Variants in PARL observed in about 807,000 individuals in gnomAD.
The protein encoded by PARL is presenilin associated rhomboid like, also known as presenilin-associated rhomboid-like protein, mitochondrial.
A neutral mutation model predicts 51.6 loss-of-function variants in PARL; 44 were observed. The ratio of observed to expected loss-of-function variants is 0.85; its 90% CI spans 0.67 to 1.10. The LOEUF is 1.10. Among genes scored for constraint, PARL ranks in the 50% least tolerant of loss-of-function variants. The pLI, the probability that PARL is intolerant of heterozygous loss-of-function variation, is 0.00. For synonymous variants in PARL, 172 were observed against 164.0 expected, an observed-to-expected ratio of 1.05 and a Z score of -0.37; for missense variants, 441 against 469.5, an observed-to-expected ratio of 0.94 and a Z score of 0.56.
intron 4 of PARL, among the ~76,000 whole-genome samples, chr3:183,853,288 G>A (rs1200878860): frequency 7.1e-6 from 1 of 140,208 alleles, no homozygotes; most frequent in African/African-American, 2.6e-5. Context: ...TCAGGCGGGT[G>A]CAAGTGGCTC....
intron 5 of PARL, 42 bp from the exon 6 acceptor site, chr3:183,842,489 C>T (rs1299668102): frequency 1.9e-6 from 3 of 1,590,740 alleles, no homozygotes; most frequent in Non-Finnish European, 2.6e-6. Context: ...ATGAAACACA[C>T]AGCCAATAAA....
At chr3:183,836,418 GC>G (rs1406927750) in intron 7 of PARL, among the ~76,000 whole-genome samples, 1 of 151,816 alleles carries the variant, frequency 6.6e-6, no homozygotes, top group Non-Finnish European at 1.5e-5. Context: ...TCTCGATGTG[GC>G]TTTTATATAA....
rs957273738 is a variant in PARL, at chr3:183,866,489, G to A, written c.462+136C>T. On this transcript the variant is annotated intron_variant, in intron 3 of 9. Coordinates refer to ENST00000317096, the MANE Select transcript of PARL (RefSeq NM_018622.7). ...ATAAAGATAAATGTTTAAGGTGATA[G>A]ATATTCAGTTCCTCAGATTTCATTA... is the stretch of plus-strand genomic sequence containing the variant. 1.2e-5 allele frequency: 9 copies of A among 741,744 alleles called. No individual in the cohort carries two copies. The African/African-American group carries it at 1.6e-4, about 13-fold the overall frequency. The allele number at this position is 741,744 out of a possible 1,614,324, so 45.9% of individuals were successfully genotyped here.
chr3:183,861,681 CAATT>C (rs1184736902), intron 4 of PARL, among the ~76,000 whole-genome samples: 2 of 152,102 alleles, frequency 1.3e-5, no homozygotes, highest in Non-Finnish European at 2.9e-5. Flanking sequence ...TAAGTCTAAT[CAATT>C]AGACTTTAAG....
chr3:183,833,413 G>T, intron 9 of PARL, 79 bp downstream of exon 9: 2 of 863,348 alleles, frequency 2.3e-6, no homozygotes, highest in South Asian at 2.7e-5. Context: ...CATGGGGATG[G>T]GGGGTAGGGG....
intron 1 of PARL, among the ~76,000 whole-genome samples, chr3:183,882,601 A>G (rs997693922): frequency 1.3e-5 from 2 of 152,172 alleles, no homozygotes; most frequent in Admixed American, 1.3e-4. Flanking sequence ...CCTTGGTAAC[A>G]GTAAAGTTTA....
intron 8 of PARL, 38 bp from the exon 9 acceptor site, chr3:183,833,627 T>A (rs960344972): frequency 2.0e-6 from 3 of 1,520,306 alleles, no homozygotes; most frequent in Admixed American, 3.3e-5. Context: ...CAACTGTGAT[T>A]GCTCCAGCAC....
At chr3:183,882,266 TATTTA>T (rs1734605564) in intron 1 of PARL, among the ~76,000 whole-genome samples, 1 of 38,606 alleles carries the variant, frequency 2.6e-5, no homozygotes, top group Non-Finnish European at 5.7e-5. Context: ...TATATATATA[TATTTA>T]TATATATATA....
rs765720453 is a variant in PARL, at chr3:183,866,612, T to A, written c.462+13A>T. ...TGATTAACTAGAAGAAAGAAAGCAG[T>A]GTTTATCTTTACCTCCTTTCTGAAG... is the stretch of plus-strand genomic sequence containing the variant. On this transcript the variant is annotated intron_variant, in intron 3 of 9. Coordinates refer to ENST00000317096, the MANE Select transcript of PARL (RefSeq NM_018622.7). 1 of 1,607,712 alleles carries A rather than the reference T, an allele frequency of 6.2e-7. No homozygotes were observed. Among genetic ancestry groups the A allele is most frequent in the African/African-American group, 1.3e-5 (1 of 74,776 alleles).
Position 183,884,833 on chromosome 3 carries a change from C to A in PARL, c.14G>T (p.Gly5Val). MAWR[G>V]WAQRGWGCGQ... is the part of the protein sequence containing the mutation. ...GCAGCCCCAGCCTCTCTGCGCCCAG[C>A]CTCGCCACGCCATCTTCCCAACCTC... Residue 5 changes from glycine (G) to valine (V), a missense_variant, in exon 1 of 10, where the codon GGC becomes GTC. Physicochemically the swap from Gly to Val is moderately radical, Grantham distance 109. Transcript: ENST00000317096. 6.3e-7 allele frequency: 1 copy of A among 1,597,334 alleles called. No homozygotes were observed. Among genetic ancestry groups the A allele is most frequent in the Non-Finnish European group, 8.5e-7 (1 of 1,179,308 alleles).
intron 4 of PARL, among the ~76,000 whole-genome samples, chr3:183,860,740 T>A (rs1389158226): frequency 6.6e-6 from 1 of 151,810 alleles, no homozygotes. Context: ...ATGTGAGGTA[T>A]AAACTAATAG....
chr3:183,868,351 A>G (rs1343772162), intron 1 of PARL, among the ~76,000 whole-genome samples: 2 of 151,938 alleles, frequency 1.3e-5, no homozygotes, highest in African/African-American at 4.8e-5. Flanking sequence ...GAATCTGAAG[A>G]CCTGGTAAAA....
chr3:183,857,622 T>C (rs1731319557), intron 4 of PARL, among the ~76,000 whole-genome samples: 1 of 152,224 alleles, frequency 6.6e-6, no homozygotes, highest in African/African-American at 2.4e-5. Flanking sequence ...AAAGGAAAAG[T>C]GCAGAACTGG....
At position 183,833,762 on chromosome 3, in the gene PARL, T is replaced by C. The variant is rs1276472002; in HGVS notation, c.892A>G (p.Ile298Val). Reference protein sequence around the residue: ...CTKIPEGRLAIIFLPMFTFTA... With the variant: ...CTKIPEGRLAVIFLPMFTFTA... The stretch of plus-strand genomic sequence containing the variant: ...AACGTGAACATCGGAAGGAAAATAA[T>C]GGCAAGCCTCCCTTCTGGGATCTTA... The change falls in exon 8 of 10, where the codon ATT becomes GTT. Residue 298 changes from isoleucine to valine, a missense_variant. Ile to Val is a conservative substitution (Grantham distance 29). Coordinates refer to ENST00000317096, the MANE Select transcript of PARL (RefSeq NM_018622.7). 2 of 1,613,422 alleles carry C rather than the reference T, an allele frequency of 1.2e-6. No individual in the cohort carries two copies. Among genetic ancestry groups the C allele is most frequent in the East Asian group, 2.2e-5 (1 of 44,882 alleles).
At chr3:183,851,606 C>T (rs138486735) in intron 4 of PARL, among the ~76,000 whole-genome samples, 28 of 152,136 alleles carry the variant, frequency 1.8e-4, no homozygotes, top group Non-Finnish European at 3.8e-4. Flanking sequence ...CCCCTTCACA[C>T]TCACCAGGAT....
intron 4 of PARL, 31 bp from the exon 5 acceptor site, chr3:183,844,357 G>T: frequency 1.5e-6 from 2 of 1,366,250 alleles, no homozygotes; most frequent in Non-Finnish European, 2.1e-6. Flanking sequence ...ATTTAGGGAG[G>T]TTAAAAATGA....
chr3:183,859,393 A>C (rs1731545944), intron 4 of PARL, among the ~76,000 whole-genome samples: 1 of 152,160 alleles, frequency 6.6e-6, no homozygotes, highest in South Asian at 2.1e-4. Context: ...GCTGGAGGGC[A>C]ATGGCATGAT....
chr3:183,833,370 TTC>T, intron 9 of PARL, 120 bp downstream of exon 9: 1 of 735,662 alleles, frequency 1.4e-6, no homozygotes, highest in Middle Eastern at 3.6e-4. Flanking sequence ...GCCCACCTGC[TTC>T]TGCTTCCGTT....
In PARL at chr3:183,844,296, C is replaced by T; in HGVS notation, c.542G>A (p.Cys181Tyr). 3.7e-6 allele frequency: 6 copies of T among 1,606,614 alleles called. No homozygotes were observed. The highest frequency in any genetic ancestry group is 5.1e-6 in the Non-Finnish European group (6 of 1,173,408). The part of the protein sequence containing the change: ...GIIAANVLVF[C>Y]LWRVPSLQRT... ...CTGCAGAGAAGGTACTCTCCATAAA[C>T]AGAATACAAGGACATTTGCAGCTAT... Residue 181 changes from cysteine to tyrosine, a missense_variant, in exon 5 of 10, where the codon TGT becomes TAT. Cys to Tyr is a radical substitution (Grantham distance 194). Transcript: ENST00000317096.
Sources: gnomAD v4.1 joint callset for allele counts (sites outside exome capture counted in the v4.1 genomes callset) on GRCh38, gnomAD v4.1.1 for gene constraint, MANE v1.5 for transcripts, NCBI Gene and HGNC (gene_info 2026-07-23, HGNC 2026-07-21) for gene names.